SLCO4A1: variants seen among roughly 807,000 people sequenced by gnomAD.
The protein encoded by SLCO4A1 is colon organic anion transporter.
SLCO4A1 carries 51 observed loss-of-function variants against 64.6 expected under a neutral mutation model. The ratio of observed to expected loss-of-function variants is 0.79; its 90% CI spans 0.63 to 1.00. The LOEUF is 1.00. Among genes scored for constraint, SLCO4A1 ranks in the 50% least tolerant of loss-of-function variants. The pLI is 0.00. For missense variants in SLCO4A1, 919 were observed against 980.5 expected, an observed-to-expected ratio of 0.94 and a Z score of 0.84; for synonymous variants, 471 against 444.9, an observed-to-expected ratio of 1.06 and a Z score of -0.74.
chr20:62,663,931 G>A (rs769881337), intron 5 of SLCO4A1, among the ~76,000 whole-genome samples: 9 of 152,214 alleles, frequency 5.9e-5, no homozygotes, highest in Non-Finnish European at 1.0e-4. Context: ...CTTAAGCAGC[G>A]GTTGGGCGTT....
At chr20:62,668,846 T>C in intron 10 of SLCO4A1, 84 bp from the exon 11 acceptor site, 1 of 1,383,312 alleles carries the variant, frequency 7.2e-7, no homozygotes, top group Non-Finnish European at 9.8e-7. Context: ...CCAGAGCCCA[T>C]CATTCCAGGC....
Position 62,658,764 on chromosome 20 carries a change from G to A in SLCO4A1, c.884G>A (p.Arg295Gln), listed in dbSNP as rs779003984. ...ALLNIYTEMG[R>Q]RTELTTESPL... The stretch of plus-strand genomic sequence containing the variant: ...CTGAATATCTACACGGAAATGGGCC[G>A]ACGGTGAGTGGCCGCGCACCCAGCT... Residue 295 changes from arginine (R) to glutamine (Q), a missense_variant, in exon 3 of 12, where the codon CGA becomes CAA. Coordinates refer to ENST00000217159, the MANE Select transcript of SLCO4A1 (RefSeq NM_016354.4). 18 of 1,605,864 alleles carry A rather than the reference G, an allele frequency of 1.1e-5. No individual in the cohort carries two copies. The East Asian group carries it at 1.1e-4, about 10-fold the overall frequency.
downstream of SLCO4A1, among the ~76,000 whole-genome samples, chr20:62,676,392 C>G (rs1282083841): frequency 6.6e-6 from 1 of 152,156 alleles, no homozygotes; most frequent in Non-Finnish European, 1.5e-5. Context: ...TGCACTCTGG[C>G]CTGGGTGGCA....
chr20:62,682,550 A>G (rs550472378), intron 2 of SLCO4A1, among the ~76,000 whole-genome samples: 1 of 152,310 alleles, frequency 6.6e-6, no homozygotes, highest in East Asian at 1.9e-4. Flanking sequence ...TCAGGGGGAT[A>G]GTGGGACATT....
Position 62,669,094 on chromosome 20 carries a change from G to A in SLCO4A1, c.2025+16G>A. On this transcript the variant is annotated intron_variant, in intron 11 of 11. Transcript: ENST00000217159. ...CCTGTACAAGGTAAGCAGGCCCAGG[G>A]AGGGGACAGAGGGTCTGCTCTGAGG... 1 of 1,604,984 alleles carries A rather than the reference G, an allele frequency of 6.2e-7. No individual in the cohort carries two copies. Among genetic ancestry groups the A allele is most frequent in the South Asian group, 1.1e-5 (1 of 91,030 alleles).
intron 6 of SLCO4A1, 54 bp downstream of exon 6, chr20:62,665,142 A>T: frequency 6.4e-7 from 1 of 1,553,534 alleles, no homozygotes; most frequent in Non-Finnish European, 8.7e-7. Context: ...TCTCAGAAAC[A>T]GAGTCTTCAA....
chr20:62,653,895 T>TGGGGGGA (rs1983117585), intron 1 of SLCO4A1, among the ~76,000 whole-genome samples: 1 of 90,684 alleles, frequency 1.1e-5, no homozygotes, highest in African/African-American at 4.3e-5. Flanking sequence ...TGCCATGGGG[T>TGGGGGGA]GGGGGGAGGG....
At chr20:62,682,059 G>T (rs1987858305) in intron 2 of SLCO4A1, among the ~76,000 whole-genome samples, 1 of 152,222 alleles carries the variant, frequency 6.6e-6, no homozygotes, top group South Asian at 2.1e-4. Context: ...CACTCACCCA[G>T]ATTTCAGGAC....
chr20:62,679,527 T>C (rs1987735915), intron 2 of SLCO4A1, among the ~76,000 whole-genome samples: 1 of 152,148 alleles, frequency 6.6e-6, no homozygotes, highest in African/African-American at 2.4e-5. Flanking sequence ...CACGCCCAGC[T>C]AATTTTTGTA....
intron 2 of SLCO4A1, among the ~76,000 whole-genome samples, chr20:62,680,289 T>C (rs562539588): frequency 6.6e-6 from 1 of 152,348 alleles, no homozygotes; most frequent in African/African-American, 2.4e-5. Context: ...TAAACAGCCA[T>C]GTCATCTGTG....
chr20:62,643,247 G>T (rs943081787), intron 1 of SLCO4A1: 4 of 337,678 alleles, frequency 1.2e-5, no homozygotes, highest in Non-Finnish European at 2.4e-5. Context: ...GCAGGCAGAG[G>T]GTCGGGTGCC....
downstream of SLCO4A1, among the ~76,000 whole-genome samples, chr20:62,690,036 G>A (rs754245567): frequency 4.6e-5 from 7 of 152,158 alleles, no homozygotes; most frequent in South Asian, 2.1e-4. Flanking sequence ...TTGCGCCTGC[G>A]CGGCAGGTGA....
intron 1 of SLCO4A1, among the ~76,000 whole-genome samples, chr20:62,643,528 T>A (rs932356405): frequency 2.0e-5 from 3 of 152,272 alleles, no homozygotes; most frequent in Non-Finnish European, 4.4e-5. Flanking sequence ...GGGACCTGGC[T>A]ATGCGTCCTG....
intron 11 of SLCO4A1, among the ~76,000 whole-genome samples, chr20:62,670,510 C>T (rs1987065326): frequency 6.6e-6 from 1 of 152,234 alleles, no homozygotes; most frequent in Admixed American, 6.5e-5. Flanking sequence ...GCCGGAGGCG[C>T]CTCCTTCAGC....
chr20:62,690,550 G>A (rs1988194163), downstream of SLCO4A1, among the ~76,000 whole-genome samples: 1 of 152,170 alleles, frequency 6.6e-6, no homozygotes, highest in African/African-American at 2.4e-5. Context: ...TTTACCAGGA[G>A]AGAAACTGCA....
intron 1 of SLCO4A1, among the ~76,000 whole-genome samples, chr20:62,653,674 G>A (rs1338604770): frequency 6.6e-6 from 1 of 152,166 alleles, no homozygotes; most frequent in Non-Finnish European, 1.5e-5. Flanking sequence ...CATCTCTCTG[G>A]GCCCTCCTCA....
intron 4 of SLCO4A1, 107 bp downstream of exon 4, chr20:62,660,640 A>G (rs1984608560): frequency 6.1e-6 from 8 of 1,304,948 alleles, no homozygotes; most frequent in Admixed American, 1.7e-5. Flanking sequence ...GCCATGATCA[A>G]GTCTGCGGCA....
intron 3 of SLCO4A1, among the ~76,000 whole-genome samples, chr20:62,659,700 C>T (rs1218558678): frequency 2.0e-5 from 3 of 152,214 alleles, no homozygotes; most frequent in Non-Finnish European, 2.9e-5. Flanking sequence ...AAGCAGGTGC[C>T]GCCTGGCTGC....
At chr20:62,674,457 G>C (rs1324869551), downstream of SLCO4A1, among the ~76,000 whole-genome samples, 1 of 152,240 alleles carries the variant, frequency 6.6e-6, no homozygotes, top group African/African-American at 2.4e-5. Flanking sequence ...CAGGGAAAGG[G>C]GGGAAGAGCC....
Sources: gnomAD v4.1 joint callset for allele counts (sites outside exome capture counted in the v4.1 genomes callset) on GRCh38, gnomAD v4.1.1 for gene constraint, MANE v1.5 for transcripts, NCBI Gene and HGNC (gene_info 2026-07-23, HGNC 2026-07-21) for gene names.